Variants in PDXK observed in about 807,000 individuals in gnomAD.
PDXK encodes epididymis secretory sperm binding protein Li 1a.
In PDXK, 15 loss-of-function variants were observed where a neutral mutation model predicts 43.2. The ratio of observed to expected loss-of-function variants is 0.35; its 90% confidence interval spans 0.23 to 0.53. The LOEUF is 0.53. PDXK is among the 20% of genes least tolerant of loss of function. PDXK has a pLI of 0.92. For synonymous variants in PDXK, 172 were observed against 165.4 expected, an observed-to-expected ratio of 1.04 and a Z score of -0.31; for missense variants, 343 against 417.0, an observed-to-expected ratio of 0.82 and a Z score of 1.54.
chr21:43,752,907 G>T (rs776000085), intron 8 of PDXK, among the ~76,000 whole-genome samples: 1 of 152,094 alleles, frequency 6.6e-6, no homozygotes, highest in South Asian at 2.1e-4. Flanking sequence ...GGGAGGACGC[G>T]TCCACCCGGC....
intron 7 of PDXK, among the ~76,000 whole-genome samples, chr21:43,751,542 G>C (rs553335386): frequency 6.6e-6 from 1 of 152,180 alleles, no homozygotes; most frequent in Non-Finnish European, 1.5e-5. Flanking sequence ...GAGTGAGCGA[G>C]ACTCCATCTC....
chr21:43,719,651 A>G (rs2083190090), intron 1 of PDXK: 10 of 985,382 alleles, frequency 1.0e-5, no homozygotes, highest in Non-Finnish European at 1.1e-5. Flanking sequence ...TGCACCAGCT[A>G]TGGCGCAGCC....
At chr21:43,755,924 A>G in intron 10 of PDXK, 27 bp from the exon 11 acceptor site, 1 of 1,557,472 alleles carries the variant, frequency 6.4e-7, no homozygotes, top group Admixed American at 1.7e-5. Flanking sequence ...TGAGATGGGA[A>G]CTCAGTGCTC....
At chr21:43,736,097 C>G (rs1467032441) in intron 2 of PDXK, among the ~76,000 whole-genome samples, 1 of 152,204 alleles carries the variant, frequency 6.6e-6, no homozygotes, top group East Asian at 1.9e-4. Context: ...GCTGGAGGCG[C>G]TTTTTGTTTT....
intron 5 of PDXK, 63 bp from the exon 6 acceptor site, chr21:43,748,932 C>T (rs916724816): frequency 5.7e-5 from 58 of 1,015,188 alleles, no homozygotes; most frequent in Non-Finnish European, 8.4e-5. Flanking sequence ...CTTCCCTCCG[C>T]GCCCCCTGGC....
intron 6 of PDXK, 47 bp from the exon 7 acceptor site, chr21:43,750,453 G>GTC (rs2083715338): frequency 6.5e-7 from 1 of 1,545,956 alleles, no homozygotes; most frequent in Non-Finnish European, 8.9e-7. Context: ...AACCCGGAGA[G>GTC]GAGAGGCTCA....
chr21:43,742,080 G>T (rs1041784154), intron 3 of PDXK, among the ~76,000 whole-genome samples: 3 of 152,178 alleles, frequency 2.0e-5, no homozygotes, highest in Non-Finnish European at 4.4e-5. Flanking sequence ...GGCAGGACAG[G>T]TGGGTGGGAC....
In PDXK at chr21:43,723,295, C is replaced by G. The variant is rs2083223542; in HGVS notation, c.87+3914C>G. 6.6e-6 allele frequency among the ~76,000 whole-genome samples: 1 copy of G among 151,984 alleles called. No individual in the cohort carries two copies. Among genetic ancestry groups the G allele is most frequent in the African/African-American group, 2.4e-5 (1 of 41,374 alleles). On this transcript the variant is annotated intron_variant, in intron 1 of 10. Coordinates refer to ENST00000291565, the MANE Select transcript of PDXK (RefSeq NM_003681.5). This position sits in a 1 kb window ranked among gnomAD's most constrained non-coding sequence, Gnocchi z 4.1. ...TCAGCCTCCTGAGTAGCTGGGATTA[C>G]AAGTATGCACCACCACACCTGACTA... is the stretch of plus-strand genomic sequence containing the variant.
chr21:43,750,484 C>G lies in PDXK; in HGVS notation c.465-16C>G. 6.2e-7 allele frequency: 1 copy of G among 1,609,708 alleles called. No homozygotes were observed. The highest frequency in any genetic ancestry group is 8.5e-7 in the Non-Finnish European group (1 of 1,177,670). On this transcript the variant is annotated splice_polypyrimidine_tract_variant and intron_variant, in intron 6 of 10. Transcript: ENST00000291565. The stretch of plus-strand genomic sequence containing the variant: ...GCTCACCTGTCCCCACCCGCCTGTC[C>G]CCGCCTGTCTTCCAGGTTACTGAGT...
In PDXK at chr21:43,735,515, CAG is replaced by C. The variant is rs1256595977; in HGVS notation, c.142+1393_142+1394del. ...AGAAAAGGGGTCTCTGGTCTGCCCT[CAG>C]GGGACTGGGATGAGGACAGGACCCC... On this transcript the variant is annotated intron_variant, in intron 2 of 10. Transcript: ENST00000291565. The surrounding 1 kb of genome is among the most constrained non-coding windows in gnomAD (Gnocchi z 5.3). Among the ~76,000 whole-genome samples the C allele has an allele frequency of 2.0e-5, 3 of 152,156 alleles. No homozygotes were observed. Among genetic ancestry groups the C allele is most frequent in the South Asian group, 4.1e-4 (2 of 4,826 alleles).
In PDXK at chr21:43,732,759, G is replaced by GT. The variant is rs1360217332; in HGVS notation, c.88-1304dup. 5 of 638,332 alleles carry GT rather than the reference G, an allele frequency of 7.8e-6. No individual in the cohort carries two copies. Among genetic ancestry groups the GT allele is most frequent in the Non-Finnish European group, 1.4e-5 (5 of 363,100 alleles). The allele number at this position is 638,332 out of a possible 1,614,324, so 39.5% of individuals were successfully genotyped here. ...TTTTATTTTTTATTTTTATTTTTAT[G>GT]TTTTTTGAGACATATTCTCACTCCG... On this transcript the variant is annotated intron_variant, in intron 1 of 10. Transcript: ENST00000291565. The surrounding 1 kb of genome is among the most constrained non-coding windows in gnomAD (Gnocchi z 4.1).
intron 5 of PDXK, 21 bp from the exon 6 acceptor site, chr21:43,748,974 C>T: frequency 6.6e-7 from 1 of 1,513,592 alleles, no homozygotes; most frequent in Non-Finnish European, 9.2e-7. Flanking sequence ...AGCCTCTCCT[C>T]CTGTCTCCTT....
chr21:43,739,215 G>A (rs149648969), intron 2 of PDXK, among the ~76,000 whole-genome samples: 5,179 of 152,200 alleles, frequency 0.034, 122 homozygotes, highest in East Asian at 0.073. Flanking sequence ...TAGAGATGAG[G>A]TTTTGCCACG....
At chr21:43,740,237 G>A (rs1173264825) in intron 2 of PDXK, among the ~76,000 whole-genome samples, 3 of 152,086 alleles carry the variant, frequency 2.0e-5, no homozygotes, top group African/African-American at 7.2e-5. Context: ...AGCCAAAGGC[G>A]TCCCTTCCAG....
rs1306750996 is a variant in PDXK at position 43,732,708 on chromosome 21, G to A, written c.88-1361G>A. On this transcript the variant is annotated intron_variant, in intron 1 of 10. Transcript: ENST00000291565. The surrounding 1 kb of genome is among the most constrained non-coding windows in gnomAD (Gnocchi z 4.1). ...ATCTGTGTATAGAGGCTGTGGATTC[G>A]GGCTGGTACATTTGCAAAGTGCCCA... The A allele has an allele frequency of 2.1e-5, 15 of 729,680 alleles. No homozygotes were observed. The highest frequency in any genetic ancestry group is 6.1e-5 in the Admixed American group (3 of 48,870). The allele number at this position is 729,680 out of a possible 1,614,324, so 45.2% of individuals were successfully genotyped here.
intron 2 of PDXK, chr21:43,738,531 C>T (rs2083441264): frequency 6.6e-6 from 1 of 152,210 alleles, no homozygotes; most frequent in African/African-American, 2.4e-5. Flanking sequence ...CACAAGAGGC[C>T]TCTGAGGAGG....
intron 8 of PDXK, 56 bp downstream of exon 8, chr21:43,752,685 T>C: frequency 9.4e-7 from 1 of 1,064,608 alleles, no homozygotes; most frequent in East Asian, 2.4e-5. Flanking sequence ...AGGAAGGTGT[T>C]CTTTGGGGCT....
At chr21:43,736,826 TCTCA>T (rs1448485990) in intron 2 of PDXK, 1 of 662,948 alleles carries the variant, frequency 1.5e-6, no homozygotes, top group African/African-American at 1.8e-5. Flanking sequence ...AGAGACGGAG[TCTCA>T]CTATGTTGCC....
In PDXK at chr21:43,756,196, G is replaced by A; in HGVS notation, c.*133G>A. 1.0e-5 allele frequency: 6 copies of A among 586,718 alleles called. No individual in the cohort carries two copies. Among genetic ancestry groups the A allele is most frequent in the South Asian group, 8.5e-5 (4 of 46,808 alleles). 36.3% of individuals were successfully genotyped at this position (586,718 alleles called of 1,614,324 possible). A position where few individuals can be genotyped will look rare whatever the true frequency, so the allele number is the denominator to read the frequency against. On this transcript the variant is annotated 3_prime_UTR_variant, in exon 11 of 11. Transcript: ENST00000291565. ...TTTCTTTCATGAGTGTCCGGCATCT[G>A]CTGGTCTTCATTGTGAAACGTGCCA...
Sources: allele counts gnomAD v4.1 joint callset (sites outside exome capture counted in the v4.1 genomes callset), GRCh38; gene constraint gnomAD v4.1.1; non-coding constraint Gnocchi (gnomAD v3.1); transcripts MANE v1.5; gene names NCBI Gene and HGNC (gene_info 2026-07-23, HGNC 2026-07-21).